Variants in NFATC3 observed in about 807,000 individuals in gnomAD.
The protein encoded by NFATC3 is nuclear factor of activated T-cells, cytoplasmic 3.
Under a neutral mutation model 98.6 loss-of-function variants are expected in NFATC3, and 46 were observed. The observed-to-expected ratio is 0.47, with a 90% confidence interval of 0.37 to 0.60. The LOEUF (loss-of-function observed/expected upper bound fraction) is 0.60, where lower values mean the gene tolerates loss of function less well. Among genes scored for constraint, NFATC3 ranks in the 20% least tolerant of loss-of-function variants. NFATC3 has a pLI of 0.00. For synonymous variants in NFATC3, 512 were observed against 472.2 expected, an observed-to-expected ratio of 1.08 and a Z score of -1.09; for missense variants, 1,256 against 1,295.5, an observed-to-expected ratio of 0.97 and a Z score of 0.47.
rs1266929622 is a variant in NFATC3, at chr16:68,122,306, G to A, written c.423G>A (p.Leu141=). 4.3e-6 allele frequency: 7 copies of A among 1,613,988 alleles called. No individual in the cohort carries two copies. The highest frequency in any genetic ancestry group is 5.9e-6 in the Non-Finnish European group (7 of 1,180,020). ...LQINDPEREF[L]ERPSRDHLYL... ...TAAATGACCCAGAACGGGAATTTTT[G>A]GAAAGGCCTTCTAGAGATCATCTCT... The change falls in exon 2 of 10, where the codon TTG becomes TTA. Residue 141 remains leucine (L), a synonymous_variant. Coordinates refer to ENST00000346183, the MANE Select transcript of NFATC3 (RefSeq NM_173165.3).
chr16:68,164,007 G>A lies in NFATC3; in HGVS notation c.1602-2836G>A, dbSNP rs764443226. Among the ~76,000 whole-genome samples the A allele has an allele frequency of 4.5e-3, 692 of 152,110 alleles. 3 individuals carry two copies. The highest frequency in any genetic ancestry group is 7.1e-3 in the Non-Finnish European group (483 of 67,964). The stretch of plus-strand genomic sequence containing the variant: ...TCACTTCCCAGACGGGGTGGCGGCC[G>A]GGCAGAGGCTGCAATCTCGGCACTT... On this transcript the variant is annotated intron_variant, in intron 4 of 9. Transcript: ENST00000346183.
chr16:68,095,215 G>T (rs1401201114), intron 1 of NFATC3, among the ~76,000 whole-genome samples: 5 of 149,152 alleles, frequency 3.4e-5, no homozygotes, highest in African/African-American at 1.3e-4. Flanking sequence ...TTTTTTTTTT[G>T]AGAGAGAATC....
At chr16:68,147,564 AC>A (rs1163890758) in intron 3 of NFATC3, among the ~76,000 whole-genome samples, 1 of 152,202 alleles carries the variant, frequency 6.6e-6, no homozygotes, top group African/African-American at 2.4e-5. Context: ...CACAGTGCTC[AC>A]AGGCAAGTGG....
At position 68,228,865 on chromosome 16, in the gene NFATC3, C is replaced by T. The variant is rs796440943; in HGVS notation, c.*2394C>T. On this transcript the variant is annotated 3_prime_UTR_variant, in exon 10 of 10. Transcript: ENST00000346183. ...TGCTTACTGGAGATGCACAGAGAAACATGGCTGAAAACAGCTTTAAAAAGA... is the reference window on the plus strand; with the variant it reads ...TGCTTACTGGAGATGCACAGAGAAATATGGCTGAAAACAGCTTTAAAAAGA... 7 of 152,362 alleles carry T rather than the reference C, an allele frequency of 4.6e-5. No individual in the cohort carries two copies. Among genetic ancestry groups the T allele is most frequent in the African/African-American group, 1.7e-4 (7 of 41,576 alleles). 9.4% of individuals were successfully genotyped at this position (152,362 alleles called of 1,614,324 possible). A position where few individuals can be genotyped will look rare whatever the true frequency, so the allele number is the denominator to read the frequency against.
chr16:68,104,653 G>GGTTTT (rs1555513365), intron 1 of NFATC3, among the ~76,000 whole-genome samples: 1 of 126,698 alleles, frequency 7.9e-6, no homozygotes, highest in Non-Finnish European at 1.6e-5. Flanking sequence ...TTCACAAATG[G>GGTTTT]TTTTTTTTTT....
chr16:68,180,254 A>G (rs1389619179), intron 6 of NFATC3, among the ~76,000 whole-genome samples: 1 of 152,234 alleles, frequency 6.6e-6, no homozygotes, highest in Non-Finnish European at 1.5e-5. Context: ...CATCTGAAAT[A>G]TAATCTCACA....
intron 1 of NFATC3, among the ~76,000 whole-genome samples, chr16:68,106,742 G>T (rs866634622): frequency 6.5e-4 from 96 of 147,720 alleles, no homozygotes; most frequent in Admixed American, 1.2e-3. Context: ...TTTTTTTGTT[G>T]TTTTTTTTTT....
intron 9 of NFATC3, chr16:68,200,074 A>T (rs1310616059): frequency 3.3e-5 from 5 of 152,162 alleles, no homozygotes; most frequent in African/African-American, 1.2e-4. Context: ...AATTCAGAAC[A>T]TATTTAATCC....
intron 9 of NFATC3, chr16:68,221,045 C>G: frequency 1.2e-6 from 1 of 822,404 alleles, no homozygotes; most frequent in South Asian, 1.9e-5. Flanking sequence ...TGGCACCTGG[C>G]CTGGATTACA....
intron 3 of NFATC3, among the ~76,000 whole-genome samples, chr16:68,145,201 T>C (rs1329361358): frequency 6.6e-6 from 1 of 150,872 alleles, no homozygotes; most frequent in African/African-American, 2.4e-5. Flanking sequence ...TGGAGTGCAG[T>C]GATGCGATCT....
intron 9 of NFATC3, chr16:68,214,549 C>A: frequency 2.6e-6 from 2 of 758,102 alleles, no homozygotes; most frequent in Non-Finnish European, 4.5e-6. Context: ...TTCTGGTAGG[C>A]CCACTCATTA....
chr16:68,159,321 G>C (rs1567526088), intron 4 of NFATC3, among the ~76,000 whole-genome samples: 1 of 151,928 alleles, frequency 6.6e-6, no homozygotes, highest in Non-Finnish European at 1.5e-5. Context: ...GCACCTATCA[G>C]TGGGTAGTAG....
At chr16:68,172,597 A>T (rs1206340270) in intron 5 of NFATC3, among the ~76,000 whole-genome samples, 1 of 152,004 alleles carries the variant, frequency 6.6e-6, no homozygotes, top group Non-Finnish European at 1.5e-5. Context: ...CGTGGGTAAC[A>T]TAATAAGACC....
At chr16:68,167,810 CTTTTTTTTTTTTTTTTTT>C (rs35302776) in intron 5 of NFATC3, among the ~76,000 whole-genome samples, 77 of 23,918 alleles carry the variant, frequency 3.2e-3, no homozygotes, top group Middle Eastern at 0.028. Flanking sequence ...CGTATGTGTT[CTTTTTTTTTTTTTTTTTT>C]TTTTTTTTTT....
Position 68,174,461 on chromosome 16 carries a change from C to G in NFATC3, c.1862C>G (p.Thr621Ser). 1.9e-6 allele frequency: 3 copies of G among 1,604,766 alleles called. No homozygotes were observed. The highest frequency in any genetic ancestry group is 2.6e-6 in the Non-Finnish European group (3 of 1,175,660). ...SVNGGHEMVVTGSNFLPESKI... is the reference protein window; with the variant it reads ...SVNGGHEMVVSGSNFLPESKI... ...AATGGAGGTCATGAAATGGTTGTGA[C>G]TGGATCTAATTTTCTTCCAGAATCC... Residue 621 changes from threonine to serine, a missense_variant, in exon 6 of 10, where the codon ACT becomes AGT. Thr to Ser is a moderately conservative substitution (Grantham distance 58, BLOSUM62 1). Transcript: ENST00000346183.
intron 3 of NFATC3, among the ~76,000 whole-genome samples, chr16:68,147,850 G>T (rs987040441): frequency 2.0e-5 from 3 of 151,246 alleles, no homozygotes; most frequent in African/African-American, 7.3e-5. Context: ...TTACCTCTGG[G>T]TATAAATCTG....
chr16:68,166,781 T>A (rs1254488963), intron 4 of NFATC3, 62 bp from the exon 5 acceptor site: 1 of 1,302,258 alleles, frequency 7.7e-7, no homozygotes, highest in Non-Finnish European at 1.0e-6. Flanking sequence ...TTCTATGTAG[T>A]TGAGTTGTTT....
At position 68,196,310 on chromosome 16, in the gene NFATC3, G is replaced by A. The variant is rs374313705; in HGVS notation, c.3106+4535G>A. Among the ~76,000 whole-genome samples the A allele has an allele frequency of 1.9e-4, 29 of 152,066 alleles. No homozygotes were observed. The East Asian group carries it at 4.3e-3, about 22-fold the overall frequency. The stretch of plus-strand genomic sequence containing the variant: ...AATTTTTGTATTTTTTAGTAGAGAC[G>A]GGGTTTCGCCATGTTGGCCAGGCTG... On this transcript the variant is annotated intron_variant, in intron 9 of 9. Transcript: ENST00000346183.
intron 3 of NFATC3, among the ~76,000 whole-genome samples, chr16:68,135,500 C>T (rs1434293475): frequency 6.9e-6 from 1 of 144,490 alleles, no homozygotes; most frequent in Admixed American, 6.9e-5. Context: ...GAATTGTGTA[C>T]TTGTTGCTGA....
Sources: allele counts gnomAD v4.1 joint callset (sites outside exome capture counted in the v4.1 genomes callset), GRCh38; gene constraint gnomAD v4.1.1; transcripts MANE v1.5; gene names NCBI Gene and HGNC (gene_info 2026-07-23, HGNC 2026-07-21).